The following LYRM4 variants were observed in gnomAD, a reference collection of about 807,000 sequenced individuals.
The protein encoded by LYRM4 is LYR motif containing 4.
In LYRM4, 9 loss-of-function variants were observed where a neutral mutation model predicts 11.7. The ratio of observed to expected loss-of-function variants is 0.77; its 90% CI spans 0.46 to 1.34. The LOEUF (loss-of-function observed/expected upper bound fraction) is 1.34. Among genes scored for constraint, LYRM4 ranks in the 40% most tolerant of loss-of-function variants. The pLI is 0.00. For synonymous variants in LYRM4, 42 were observed against 40.4 expected, an observed-to-expected ratio of 1.04 and a Z score of -0.15; for missense variants, 133 against 112.5, an observed-to-expected ratio of 1.18 and a Z score of -0.82.
At chr6:5,214,260 T>G (rs1219740514) in intron 2 of LYRM4, among the ~76,000 whole-genome samples, 1 of 151,724 alleles carries the variant, frequency 6.6e-6, no homozygotes, top group Non-Finnish European at 1.5e-5. Context: ...GGGGGGCCCC[T>G]ATGGGAAGGT....
At chr6:5,195,327 C>G (rs1479011667) in intron 2 of LYRM4, among the ~76,000 whole-genome samples, 1 of 152,050 alleles carries the variant, frequency 6.6e-6, no homozygotes, top group Non-Finnish European at 1.5e-5. Context: ...CCCACAGTAT[C>G]AGGCCGGGTA....
At position 5,109,137 on chromosome 6, in the gene LYRM4, G is replaced by C; in HGVS notation, c.*286C>G. 2.4e-6 allele frequency: 3 copies of C among 1,261,104 alleles called. No homozygotes were observed. Among genetic ancestry groups the C allele is most frequent in the Non-Finnish European group, 3.0e-6 (3 of 994,260 alleles). The allele number at this position is 1,261,104 out of a possible 1,614,324, so 78.1% of individuals were successfully genotyped here. A position where few individuals can be genotyped will look rare whatever the true frequency, so the allele number is the denominator to read the frequency against. ...AAAGTGTAGAAATGCTATACACAAT[G>C]GTCATGAGCTACAAGGTAGGAATGG... On this transcript the variant is annotated 3_prime_UTR_variant, in exon 3 of 3. Transcript: ENST00000330636.
At chr6:5,242,839 T>C (rs1010746921) in intron 1 of LYRM4, among the ~76,000 whole-genome samples, 1 of 145,592 alleles carries the variant, frequency 6.9e-6, no homozygotes, top group Non-Finnish European at 1.5e-5. Flanking sequence ...AGTGGCGCAA[T>C]CTCGGCTCAC....
intron 1 of LYRM4, among the ~76,000 whole-genome samples, chr6:5,238,558 C>T (rs530809997): frequency 1.4e-4 from 21 of 152,254 alleles, no homozygotes; most frequent in African/African-American, 5.1e-4. Flanking sequence ...TTGTAAATAA[C>T]CCATAGTTTA....
intron 2 of LYRM4, chr6:5,113,239 C>A: frequency 2.6e-6 from 1 of 387,858 alleles, no homozygotes; most frequent in Non-Finnish European, 5.2e-6. Context: ...CTGAGACCAG[C>A]CTGACCAACA....
At chr6:5,175,190 C>T (rs1759648907) in intron 2 of LYRM4, among the ~76,000 whole-genome samples, 1 of 152,184 alleles carries the variant, frequency 6.6e-6, no homozygotes, top group African/African-American at 2.4e-5. Flanking sequence ...AAGAGGGGCT[C>T]AGAGCCAGTG....
rs139978423 is a variant in LYRM4, at chr6:5,235,374, C to T, written c.87-18636G>A. Among the ~76,000 whole-genome samples the T allele has an allele frequency of 3.9e-5, 6 of 152,150 alleles. No homozygotes were observed. In the East Asian group the frequency reaches 5.8e-4, roughly 15 times the overall value. ...AATACAATCACAAAGACCCACAAGC[C>T]GATTTCTATTCTAGAAGGAGTAAAA... On this transcript the variant is annotated intron_variant, in intron 1 of 2. Coordinates refer to ENST00000330636, the MANE Select transcript of LYRM4 (RefSeq NM_020408.6).
chr6:5,100,523 A>G (rs1238599666), downstream of LYRM4, among the ~76,000 whole-genome samples: 2 of 150,152 alleles, frequency 1.3e-5, no homozygotes, highest in South Asian at 2.1e-4. Context: ...TCTAAGAGAA[A>G]GTACTTCGCC....
intron 2 of LYRM4, among the ~76,000 whole-genome samples, chr6:5,180,545 C>G (rs1011962311): frequency 1.3e-5 from 2 of 152,254 alleles, no homozygotes; most frequent in Admixed American, 6.5e-5. Context: ...CATATTTGAG[C>G]CCTAGACTTT....
At chr6:5,092,508 G>C in the LYRM4 span, among the ~76,000 whole-genome samples, 1 of 151,556 alleles carries the variant, frequency 6.6e-6, no homozygotes, top group African/African-American at 2.4e-5. Flanking sequence ...TCAGGAGTTC[G>C]AGAACAGCTT....
intron 2 of LYRM4, among the ~76,000 whole-genome samples, chr6:5,162,699 A>C (rs1758839696): frequency 6.6e-6 from 1 of 152,242 alleles, no homozygotes. Flanking sequence ...TCATGAGCCT[A>C]AACAGTAATA....
intron 2 of LYRM4, among the ~76,000 whole-genome samples, chr6:5,127,799 T>C (rs1763764367): frequency 1.3e-5 from 2 of 152,258 alleles, no homozygotes; most frequent in Admixed American, 1.3e-4. Context: ...TAATAGACAA[T>C]GTGATCTGTA....
At chr6:5,168,105 T>G (rs1249037257) in intron 2 of LYRM4, among the ~76,000 whole-genome samples, 1 of 148,308 alleles carries the variant, frequency 6.7e-6, no homozygotes, top group Admixed American at 6.7e-5. Context: ...TCTATCATGA[T>G]ACTTAAAAAA....
intron 2 of LYRM4, among the ~76,000 whole-genome samples, chr6:5,130,437 C>T (rs1438655277): frequency 6.6e-6 from 1 of 152,244 alleles, no homozygotes; most frequent in Non-Finnish European, 1.5e-5. Flanking sequence ...GCAGCTGCCG[C>T]CACTGCTGCC....
At chr6:5,256,618 G>T (rs1167425669) in intron 1 of LYRM4, among the ~76,000 whole-genome samples, 1 of 147,652 alleles carries the variant, frequency 6.8e-6, no homozygotes, top group Non-Finnish European at 1.5e-5. Flanking sequence ...TAAAGAAACT[G>T]CAGAACAGAG....
intron 1 of LYRM4, among the ~76,000 whole-genome samples, chr6:5,257,914 C>T (rs763813684): frequency 6.6e-6 from 1 of 152,176 alleles, no homozygotes; most frequent in Non-Finnish European, 1.5e-5. Flanking sequence ...GAATGACACA[C>T]AGCAATGAGA....
intron 1 of LYRM4, among the ~76,000 whole-genome samples, chr6:5,252,700 G>A (rs1764491097): frequency 1.3e-5 from 2 of 152,082 alleles, no homozygotes; most frequent in South Asian, 2.1e-4. Context: ...TTTGGTCAAT[G>A]AGCAAAAGCA....
chr6:5,180,305 A>G (rs575482348), intron 2 of LYRM4, among the ~76,000 whole-genome samples: 1 of 152,254 alleles, frequency 6.6e-6, no homozygotes, highest in African/African-American at 2.4e-5. Flanking sequence ...CATCTTCCTA[A>G]GCGTGTGACT....
At chr6:5,222,135 G>GC (rs1217019806) in intron 1 of LYRM4, among the ~76,000 whole-genome samples, 5 of 152,160 alleles carry the variant, frequency 3.3e-5, no homozygotes, top group Non-Finnish European at 7.3e-5. Flanking sequence ...TACAATGTAA[G>GC]CCCCACATAG....
Sources: allele counts gnomAD v4.1 joint callset (sites outside exome capture counted in the v4.1 genomes callset), GRCh38; gene constraint gnomAD v4.1.1; transcripts MANE v1.5; gene names NCBI Gene and HGNC (gene_info 2026-07-23, HGNC 2026-07-21).